TPM4: variants seen among roughly 807,000 people sequenced by gnomAD.
The protein encoded by TPM4 is tropomyosin alpha-4 chain.
Under a neutral mutation model 35.8 loss-of-function variants are expected in TPM4, and 17 were observed. That is an observed-to-expected ratio of 0.47 (90% CI 0.32 to 0.71). The LOEUF (loss-of-function observed/expected upper bound fraction) is 0.71, where lower values mean the gene tolerates loss of function less well. Among genes scored for constraint, TPM4 ranks in the 30% least tolerant of loss-of-function variants. The pLI is 0.03. For missense variants in TPM4, 240 were observed against 320.9 expected, an observed-to-expected ratio of 0.75 and a Z score of 1.93; for synonymous variants, 120 against 122.9, an observed-to-expected ratio of 0.98 and a Z score of 0.15.
At chr19:16,081,397 C>CTTTTTTTTT (rs374854830) in intron 1 of TPM4, 2 of 136,008 alleles carry the variant, frequency 1.5e-5, no homozygotes, top group African/African-American at 3.0e-5. Context: ...GGGACACTCG[C>CTTTTTTTTT]TTTTTTTTTT....
upstream of TPM4, among the ~76,000 whole-genome samples, chr19:16,074,007 TAA>T (rs111848784): frequency 2.6e-3 from 279 of 107,046 alleles, 1 homozygote; most frequent in Middle Eastern, 4.7e-3. Context: ...AAGATCAGGT[TAA>T]AAAAAAAAAA....
Position 16,086,544 on chromosome 19 carries a change from A to G in TPM4, c.384+4A>G. The G allele has an allele frequency of 1.2e-6, 2 of 1,610,724 alleles. No homozygotes were observed. The highest frequency in any genetic ancestry group is 1.7e-6 in the Non-Finnish European group (2 of 1,177,736). The stretch of plus-strand genomic sequence containing the variant: ...GGCTGACCGCAAATACGAGGAGGTG[A>G]GTGGGGCTGGCAGATGGCGCAGCAG... On this transcript the variant is annotated splice_donor_region_variant and intron_variant, in intron 3 of 7. Transcript: ENST00000643579.
chr19:16,076,458 C>A (rs997189743), upstream of TPM4: 39 of 1,336,788 alleles, frequency 2.9e-5, no homozygotes, highest in Non-Finnish European at 3.5e-5. Context: ...GGGGCGGCCC[C>A]CGCGCAGGCA....
At position 16,081,918 on chromosome 19, in the gene TPM4, A is replaced by C. The variant is rs771455615; in HGVS notation, c.138A>C (p.Glu46Asp). The change falls in exon 2 of 8, where the codon GAA becomes GAC. Residue 46 changes from glutamate to aspartate, a missense_variant. Physicochemically the swap from Glu to Asp is conservative, Grantham distance 45. Coordinates refer to ENST00000643579, the MANE Select transcript of TPM4 (RefSeq NM_003290.3). ...TGCACCTCCGACCTCCCCAGGCTGA[A>C]GGTGATGTGGCCGCCCTCAACCGAC... is the stretch of plus-strand genomic sequence containing the variant. ...DGERERREKA[E>D]GDVAALNRRI... 2.5e-6 allele frequency: 4 copies of C among 1,597,032 alleles called. No homozygotes were observed. The highest frequency in any genetic ancestry group is 3.4e-6 in the Non-Finnish European group (4 of 1,166,388).
rs1285648045 is a variant in TPM4, at chr19:16,101,901, C to G, written c.*555C>G. 2 of 226,014 alleles carry G rather than the reference C, an allele frequency of 8.8e-6. No individual in the cohort carries two copies. Among genetic ancestry groups the G allele is most frequent in the African/African-American group, 4.5e-5 (2 of 44,888 alleles). 14.0% of individuals were successfully genotyped at this position (226,014 alleles called of 1,614,324 possible). ...AGATAGATCAACCTAAGAATCCTGGCCCTTCTCCACTCTCCACCATGCAGG... is the reference window on the plus strand; with the variant it reads ...AGATAGATCAACCTAAGAATCCTGGGCCTTCTCCACTCTCCACCATGCAGG... On this transcript the variant is annotated 3_prime_UTR_variant, in exon 8 of 8. Transcript: ENST00000643579.
intron 7 of TPM4, among the ~76,000 whole-genome samples, chr19:16,097,094 C>T (rs766853408): frequency 6.0e-5 from 9 of 150,094 alleles, no homozygotes; most frequent in Non-Finnish European, 1.3e-4. Context: ...GCTGGGATTA[C>T]AGTCGCGGAC....
At chr19:16,091,434 A>T (rs1463998205) in intron 5 of TPM4, among the ~76,000 whole-genome samples, 1 of 152,178 alleles carries the variant, frequency 6.6e-6, no homozygotes, top group Non-Finnish European at 1.5e-5. Flanking sequence ...AATACAATAG[A>T]GGGACCTTGG....
rs2090777629 is a variant in TPM4 at position 16,102,964 on chromosome 19, T to G, written c.*1618T>G. ...CTGTATCATATGTAATAGTATCACT[T>G]TTTCTACATTTTGGTCAAATAAATT... On this transcript the variant is annotated 3_prime_UTR_variant, in exon 8 of 8. Coordinates refer to ENST00000643579, the MANE Select transcript of TPM4 (RefSeq NM_003290.3). The G allele has an allele frequency of 1.9e-5, 4 of 206,810 alleles. No homozygotes were observed. The highest frequency in any genetic ancestry group is 9.1e-5 in the African/African-American group (4 of 43,950). The allele number at this position is 206,810 out of a possible 1,614,324, so 12.8% of individuals were successfully genotyped here.
chr19:16,080,728 G>A, intron 1 of TPM4: 1 of 282,006 alleles, frequency 3.5e-6, no homozygotes, highest in Non-Finnish European at 6.6e-6. Flanking sequence ...AGAATTGCTT[G>A]AACCCGGGAG....
rs565330633 is a variant in TPM4 at position 16,095,517 on chromosome 19, C to T, written c.664+1764C>T. 2.9e-5 allele frequency: 30 copies of T among 1,017,982 alleles called. No individual in the cohort carries two copies. In the East Asian group the frequency reaches 1.8e-3, roughly 63 times the overall value. 63.1% of individuals were successfully genotyped at this position (1,017,982 alleles called of 1,614,324 possible). On this transcript the variant is annotated intron_variant, in intron 7 of 7. Coordinates refer to ENST00000643579, the MANE Select transcript of TPM4 (RefSeq NM_003290.3). ...GACGGGCAGTCCTCCTCTTCATGCC[C>T]CCTCATTCTCATTTTCTCCACTTGC...
At position 16,093,769 on chromosome 19, in the gene TPM4, C is replaced by T. The variant is rs765288986; in HGVS notation, c.664+16C>T. 2 of 1,612,520 alleles carry T rather than the reference C, an allele frequency of 1.2e-6. No individual in the cohort carries two copies. The highest frequency in any genetic ancestry group is 2.7e-5 in the African/African-American group (2 of 74,838). ...GACCTGGAAGGTATGAGGTTACCAT[C>T]TAAATGTTTGCCTTGCCCTGCCTTC... On this transcript the variant is annotated intron_variant, in intron 7 of 7. Transcript: ENST00000643579.
Position 16,102,875 on chromosome 19 carries a change from C to G in TPM4, c.*1529C>G, listed in dbSNP as rs767824509. 4.5e-6 allele frequency: 1 copy of G among 223,458 alleles called. No homozygotes were observed. Among genetic ancestry groups the G allele is most frequent in the Non-Finnish European group, 8.9e-6 (1 of 112,530 alleles). 13.8% of individuals were successfully genotyped at this position (223,458 alleles called of 1,614,324 possible). A position where few individuals can be genotyped will look rare whatever the true frequency, so the allele number is the denominator to read the frequency against. On this transcript the variant is annotated 3_prime_UTR_variant, in exon 8 of 8. Transcript: ENST00000643579. ...CTACTCCTATTTATTCAGCACCACA[C>G]TACCCAGGAAATACACTAGCAAATT...
At chr19:16,076,005 C>CAA, upstream of TPM4, 1 of 1,535,982 alleles carries the variant, frequency 6.5e-7, no homozygotes, top group Non-Finnish European at 8.8e-7. Flanking sequence ...GGGACGTGAC[C>CAA]CCCCCCCCAG....
intron 2 of TPM4, among the ~76,000 whole-genome samples, chr19:16,084,171 C>G (rs1302052523): frequency 1.3e-5 from 2 of 152,206 alleles, no homozygotes; most frequent in Non-Finnish European, 2.9e-5. Flanking sequence ...TTGTAATCCA[C>G]CTGCCTTGGC....
upstream of TPM4, among the ~76,000 whole-genome samples, chr19:16,071,894 C>T (rs933561839): frequency 5.3e-5 from 8 of 152,216 alleles, no homozygotes; most frequent in Admixed American, 5.2e-4. Context: ...TGCCCCAAGG[C>T]CCCATTTGCA....
At chr19:16,090,171 A>G (rs938317877) in intron 5 of TPM4, among the ~76,000 whole-genome samples, 24 of 151,428 alleles carry the variant, frequency 1.6e-4, no homozygotes, top group Non-Finnish European at 2.5e-4. Context: ...CTGGAAGTGT[A>G]GTGGCGTGAT....
chr19:16,096,830 T>C (rs16981110), intron 7 of TPM4, among the ~76,000 whole-genome samples: 2,322 of 151,464 alleles, frequency 0.015, 51 homozygotes, highest in African/African-American at 0.052. Flanking sequence ...CAGTTAGTTA[T>C]AACAGGAACC....
chr19:16,099,455 G>A (rs62116856), intron 7 of TPM4, among the ~76,000 whole-genome samples: 6,531 of 152,014 alleles, frequency 0.043, 355 homozygotes, highest in Admixed American at 0.17. Context: ...GTAGTGGCAC[G>A]CACTTGTAGT....
intron 7 of TPM4, among the ~76,000 whole-genome samples, chr19:16,094,688 A>G (rs1243827609): frequency 6.6e-6 from 1 of 151,966 alleles, no homozygotes; most frequent in Non-Finnish European, 1.5e-5. Context: ...AGAAATACAG[A>G]AAGTGTAGGG....
Sources: gnomAD v4.1 joint callset for allele counts (sites outside exome capture counted in the v4.1 genomes callset) on GRCh38, gnomAD v4.1.1 for gene constraint, MANE v1.5 for transcripts, NCBI Gene and HGNC (gene_info 2026-07-23, HGNC 2026-07-21) for gene names.